The following KALRN variants were observed in gnomAD, a reference collection of about 807,000 sequenced individuals.
KALRN encodes kalirin.
Under a neutral mutation model 353.7 loss-of-function variants are expected in KALRN, and 70 were observed. The ratio of observed to expected loss-of-function variants is 0.20; its 90% CI spans 0.16 to 0.24. The LOEUF is 0.24. Among genes scored for constraint, KALRN ranks in the 10% least tolerant of loss-of-function variants. The pLI is 1.00. For synonymous variants in KALRN, 1,391 were observed against 1,434.8 expected (o/e 0.97, Z 0.69); for missense variants, 2,791 against 3,756.7 (o/e 0.74, Z 6.72).
intron 10 of KALRN, among the ~76,000 whole-genome samples, chr3:124,374,715 T>C (rs2086341781): frequency 6.6e-6 from 1 of 152,216 alleles, no homozygotes; most frequent in Non-Finnish European, 1.5e-5. Context: ...AAGCCCAGTC[T>C]TCTCTCTCTG....
intron 51 of KALRN, among the ~76,000 whole-genome samples, chr3:124,684,831 G>A (rs1056243793): frequency 2.6e-5 from 4 of 152,084 alleles, no homozygotes; most frequent in African/African-American, 9.7e-5. Context: ...TCCTGGCTCT[G>A]GGAAGTTTGA....
intron 34 of KALRN, among the ~76,000 whole-genome samples, chr3:124,602,442 G>A (rs2076904025): frequency 6.6e-6 from 1 of 152,192 alleles, no homozygotes; most frequent in Non-Finnish European, 1.5e-5. Context: ...TGGATGCTGG[G>A]GAGATGGATG....
intron 6 of KALRN, among the ~76,000 whole-genome samples, chr3:124,314,718 A>G (rs1461830380): frequency 6.6e-6 from 1 of 152,196 alleles, no homozygotes; most frequent in South Asian, 2.1e-4. Flanking sequence ...ATGCAGTGGC[A>G]GGATTGTGGC....
intron 1 of KALRN, among the ~76,000 whole-genome samples, chr3:124,040,806 T>C (rs756817289): frequency 6.6e-6 from 1 of 152,194 alleles, no homozygotes; most frequent in Non-Finnish European, 1.5e-5. Context: ...GTTATCCCTG[T>C]TGTTCCTGCT....
chr3:124,518,325 T>C, intron 33 of KALRN: 1 of 1,264,422 alleles, frequency 7.9e-7, no homozygotes, highest in South Asian at 1.2e-5. Flanking sequence ...CTGTTTTCTA[T>C]AAGGGCTACG....
chr3:124,125,478 C>A (rs2064544715), intron 1 of KALRN, among the ~76,000 whole-genome samples: 1 of 152,192 alleles, frequency 6.6e-6, no homozygotes, highest in South Asian at 2.1e-4. Context: ...GAGCAAGCCT[C>A]CATGAGCTGG....
chr3:124,693,673 A>T (rs2061926812), intron 51 of KALRN, 131 bp from the exon 52 acceptor site: 2 of 568,720 alleles, frequency 3.5e-6, no homozygotes, highest in Non-Finnish European at 6.2e-6. Context: ...CAGTCACAAC[A>T]CAGTGGGAAG....
chr3:124,475,250 C>T (rs2061333659), intron 26 of KALRN, among the ~76,000 whole-genome samples: 1 of 152,140 alleles, frequency 6.6e-6, no homozygotes, highest in South Asian at 2.1e-4. Context: ...ACATTTTCTT[C>T]TTTAATAGGG....
chr3:124,321,826 C>T (rs2079372016), intron 6 of KALRN, among the ~76,000 whole-genome samples: 1 of 152,172 alleles, frequency 6.6e-6, no homozygotes, highest in African/African-American at 2.4e-5. Context: ...TGCAACGGAC[C>T]ATGCTGCAGG....
At chr3:124,680,885 G>C (rs2087706810) in intron 51 of KALRN, among the ~76,000 whole-genome samples, 1 of 152,220 alleles carries the variant, frequency 6.6e-6, no homozygotes. Context: ...TAGAGAACAA[G>C]GAAGCCAGGG....
intron 11 of KALRN, among the ~76,000 whole-genome samples, chr3:124,389,379 T>C (rs1397511335): frequency 6.6e-6 from 1 of 152,194 alleles, no homozygotes; most frequent in Non-Finnish European, 1.5e-5. Flanking sequence ...CATCAAAAGA[T>C]TTACTCTAAT....
intron 1 of KALRN, among the ~76,000 whole-genome samples, chr3:124,196,570 A>T (rs904982207): frequency 6.6e-6 from 1 of 152,180 alleles, no homozygotes; most frequent in Admixed American, 6.5e-5. Flanking sequence ...TGAGGGCAAA[A>T]GTAGTTTCCT....
At chr3:124,479,716 ATTTTTTTTTTTT>A (rs142639039) in intron 27 of KALRN, among the ~76,000 whole-genome samples, 3 of 86,808 alleles carry the variant, frequency 3.5e-5, no homozygotes, top group Non-Finnish European at 4.6e-5. Context: ...ACGATCCAGA[ATTTTTTTTTTTT>A]TTTTTTTTTT....
chr3:124,356,858 C>G (rs116644449), intron 10 of KALRN, among the ~76,000 whole-genome samples: 2,076 of 152,290 alleles, frequency 0.014, 44 homozygotes, highest in African/African-American at 0.048. Context: ...TAGACTCTCT[C>G]TCAGTCTCAA....
chr3:124,250,343 G>T (rs1306601321), intron 3 of KALRN, among the ~76,000 whole-genome samples: 1 of 152,196 alleles, frequency 6.6e-6, no homozygotes, highest in Non-Finnish European at 1.5e-5. Context: ...AGGGAGAGGT[G>T]GGGGTGTGAC....
At chr3:124,044,386 A>G (rs1318000730) in intron 1 of KALRN, among the ~76,000 whole-genome samples, 1 of 152,170 alleles carries the variant, frequency 6.6e-6, no homozygotes, top group Non-Finnish European at 1.5e-5. Flanking sequence ...ATCTTAGAAC[A>G]GGAACTTACC....
chr3:124,659,164 G>A (rs1408143851), intron 42 of KALRN, among the ~76,000 whole-genome samples: 2 of 152,188 alleles, frequency 1.3e-5, no homozygotes, highest in Non-Finnish European at 2.9e-5. Flanking sequence ...GAGGAAGGCA[G>A]GAAGCCAGTG....
Position 124,326,087 on chromosome 3 carries a change from G to C in KALRN, c.1200G>C (p.Gln400His). 6.2e-7 allele frequency: 1 copy of C among 1,613,928 alleles called. No homozygotes were observed. The highest frequency in any genetic ancestry group is 8.5e-7 in the Non-Finnish European group (1 of 1,179,888). ...AGCAGATCTCCACCCAGCTGGACCAGGAGTGGAAGAGCTTCGCTGCTGCCC... is the reference window on the plus strand; with the variant it reads ...AGCAGATCTCCACCCAGCTGGACCACGAGTGGAAGAGCTTCGCTGCTGCCC... ...QIKQISTQLD[Q>H]EWKSFAAALD... Residue 400 changes from glutamine to histidine, a missense_variant, in exon 7 of 60, where the codon CAG becomes CAC. By Grantham distance (24) the Gln-to-His change is conservative. Transcript: ENST00000682506.
At chr3:124,072,896 G>T (rs2060084972) in intron 1 of KALRN, among the ~76,000 whole-genome samples, 1 of 152,208 alleles carries the variant, frequency 6.6e-6, no homozygotes, top group African/African-American at 2.4e-5. Flanking sequence ...GACTCTGGCT[G>T]CCCACCAGGG....
Sources: gnomAD v4.1 joint callset for allele counts (sites outside exome capture counted in the v4.1 genomes callset) on GRCh38, gnomAD v4.1.1 for gene constraint, MANE v1.5 for transcripts, NCBI Gene and HGNC (gene_info 2026-07-23, HGNC 2026-07-21) for gene names.